SERPINI1: variants seen among roughly 807,000 people sequenced by gnomAD.
SERPINI1 encodes the protein serpin family I member 1.
In SERPINI1, 19 loss-of-function variants were observed where a neutral mutation model predicts 41.1. The ratio of observed to expected loss-of-function variants is 0.46; its 90% CI spans 0.32 to 0.68. The LOEUF (loss-of-function observed/expected upper bound fraction) is 0.68. SERPINI1 is among the 30% of genes least tolerant of loss of function. SERPINI1 has a pLI of 0.03. For missense variants in SERPINI1, 460 were observed against 479.2 expected (o/e 0.96, Z 0.37); for synonymous variants, 138 against 156.6 (o/e 0.88, Z 0.89).
chr3:167,780,706 T>C (rs1030764941), intron 1 of SERPINI1, among the ~76,000 whole-genome samples: 1 of 152,218 alleles, frequency 6.6e-6, no homozygotes, highest in African/African-American at 2.4e-5. Flanking sequence ...TCACTTGCAG[T>C]AAATTTACAT....
At chr3:167,752,325 A>G (rs1577399854) in intron 1 of SERPINI1, among the ~76,000 whole-genome samples, 2 of 152,204 alleles carry the variant, frequency 1.3e-5, no homozygotes, top group East Asian at 3.9e-4. Flanking sequence ...AGATTTACCT[A>G]TCCAAAGCAA....
chr3:167,745,142 GA>G (rs1161174996), intron 1 of SERPINI1, among the ~76,000 whole-genome samples: 3 of 151,438 alleles, frequency 2.0e-5, no homozygotes, highest in Non-Finnish European at 1.5e-5. Flanking sequence ...ACCAACTTAA[GA>G]AATAGAAAAT....
At chr3:167,763,834 G>T (rs1319664481) in intron 1 of SERPINI1, among the ~76,000 whole-genome samples, 1 of 152,004 alleles carries the variant, frequency 6.6e-6, no homozygotes, top group Admixed American at 6.5e-5. Context: ...GAAGTGCCAG[G>T]TTTGAGAAAT....
At chr3:167,741,629 C>A (rs1725679742) in intron 1 of SERPINI1, among the ~76,000 whole-genome samples, 1 of 152,124 alleles carries the variant, frequency 6.6e-6, no homozygotes. Context: ...ATAATTTTTG[C>A]CTTTACTTGA....
intron 6 of SERPINI1, among the ~76,000 whole-genome samples, chr3:167,814,248 A>G (rs1300341199): frequency 1.3e-5 from 2 of 152,174 alleles, no homozygotes; most frequent in Non-Finnish European, 2.9e-5. Context: ...TTAGTTCATC[A>G]TAGTATACCT....
intron 1 of SERPINI1, among the ~76,000 whole-genome samples, chr3:167,742,348 A>G (rs1725706961): frequency 6.6e-6 from 1 of 152,212 alleles, no homozygotes; most frequent in South Asian, 2.1e-4. Context: ...CAATGAGATA[A>G]AACAATAGGG....
intron 1 of SERPINI1, among the ~76,000 whole-genome samples, chr3:167,786,690 C>A (rs975501206): frequency 6.6e-6 from 1 of 151,732 alleles, no homozygotes; most frequent in Non-Finnish European, 1.5e-5. Context: ...ACACTGTATA[C>A]TTTGGCTATA....
intron 7 of SERPINI1, among the ~76,000 whole-genome samples, chr3:167,824,040 C>G (rs57792691): frequency 0.1 from 15,458 of 152,106 alleles, 924 homozygotes; most frequent in African/African-American, 0.15. Flanking sequence ...CCGCTTCAGA[C>G]AAAAGAAATA....
intron 1 of SERPINI1, among the ~76,000 whole-genome samples, chr3:167,750,388 A>G (rs976033283): frequency 3.3e-4 from 50 of 152,362 alleles, no homozygotes; most frequent in African/African-American, 1.2e-3. Context: ...AGCTTGGGAA[A>G]GTAAGAACAA....
At position 167,790,474 on chromosome 3, in the gene SERPINI1, T is replaced by C; in HGVS notation, c.353T>C (p.Phe118Ser). 1 of 1,614,056 alleles carries C rather than the reference T, an allele frequency of 6.2e-7. No homozygotes were observed. The highest frequency in any genetic ancestry group is 8.5e-7 in the Non-Finnish European group (1 of 1,179,908). ...IANSLFVQNG[F>S]HVNEEFLQMM... ...AATTCCTTGTTTGTGCAAAATGGAT[T>C]TCATGTCAATGAGGAGTTTTTGCAA... The change falls in exon 3 of 9, where the codon TTT becomes TCT. Residue 118 changes from phenylalanine (F) to serine (S), a missense_variant. Coordinates refer to ENST00000446050, the MANE Select transcript of SERPINI1 (RefSeq NM_001122752.2).
Position 167,792,609 on chromosome 3 carries a change from A to G in SERPINI1, c.501A>G (p.Val167=). 6.2e-7 allele frequency: 1 copy of G among 1,613,544 alleles called. No homozygotes were observed. Among genetic ancestry groups the G allele is most frequent in the Non-Finnish European group, 8.5e-7 (1 of 1,179,782 alleles). The change falls in exon 4 of 9, where the codon GTA becomes GTG. Residue 167 remains valine (V), a synonymous_variant. Transcript: ENST00000446050. ...NNTNNLVKDL[V]SPRDFDAATY... is the part of the protein sequence containing the mutation. ...AAATAGATCTGGTGAAAGATTTGGT[A>G]TCCCCAAGGGATTTTGATGCTGCCA...
intron 1 of SERPINI1, among the ~76,000 whole-genome samples, chr3:167,739,649 T>C (rs1240223090): frequency 1.3e-5 from 2 of 152,154 alleles, no homozygotes; most frequent in African/African-American, 2.4e-5. Context: ...CCTGGAGTTA[T>C]ACCTTTGTTG....
At chr3:167,768,513 G>GA (rs1240796645) in intron 1 of SERPINI1, among the ~76,000 whole-genome samples, 1 of 152,134 alleles carries the variant, frequency 6.6e-6, no homozygotes, top group Non-Finnish European at 1.5e-5. Context: ...GAAGAAGACT[G>GA]AAAAATCTGA....
At chr3:167,786,048 G>A (rs879839269) in intron 1 of SERPINI1, among the ~76,000 whole-genome samples, 5 of 152,176 alleles carry the variant, frequency 3.3e-5, no homozygotes, top group Non-Finnish European at 7.3e-5. Context: ...ATGGTATTAC[G>A]TAGCTCCTCG....
intron 1 of SERPINI1, among the ~76,000 whole-genome samples, chr3:167,741,711 G>A (rs1452620996): frequency 6.6e-6 from 1 of 152,196 alleles, no homozygotes; most frequent in Admixed American, 6.5e-5. Context: ...GAAGCAATTA[G>A]TGTTTTTGAG....
intron 1 of SERPINI1, among the ~76,000 whole-genome samples, chr3:167,779,790 G>GT (rs1727065020): frequency 6.6e-6 from 1 of 151,980 alleles, no homozygotes; most frequent in Non-Finnish European, 1.5e-5. Flanking sequence ...TCTCCCTTTT[G>GT]TTTGATTCAA....
chr3:167,794,809 A>G lies in SERPINI1; in HGVS notation c.866A>G (p.Glu289Gly), dbSNP rs1560010722. The G allele has an allele frequency of 1.2e-6, 2 of 1,613,098 alleles. No individual in the cohort carries two copies. Among genetic ancestry groups the G allele is most frequent in the Non-Finnish European group, 1.7e-6 (2 of 1,179,732 alleles). Residue 289 changes from glutamate (E) to glycine (G), a missense_variant, in exon 5 of 9, where the codon GAA becomes GGA. Physicochemically the swap from Glu to Gly is moderately conservative, Grantham distance 98 (BLOSUM62 -2). Transcript: ENST00000446050. Reference protein sequence around the residue: ...WANSVKKQKVEVYLPRFTVEQ... With the variant: ...WANSVKKQKVGVYLPRFTVEQ... Reference sequence around the variant, plus strand: ...AACTCTGTGAAGAAGCAAAAAGTAGAAGTATACCTGCCCAGGTATGAGGTT... The same window carrying G: ...AACTCTGTGAAGAAGCAAAAAGTAGGAGTATACCTGCCCAGGTATGAGGTT...
intron 1 of SERPINI1, among the ~76,000 whole-genome samples, chr3:167,772,697 A>G (rs76044651): frequency 0.099 from 14,960 of 150,998 alleles, 792 homozygotes; most frequent in African/African-American, 0.11. Flanking sequence ...CATACCTTGG[A>G]GTCATTAAAA....
intron 5 of SERPINI1, among the ~76,000 whole-genome samples, chr3:167,801,493 G>A (rs1158337717): frequency 6.6e-6 from 1 of 152,032 alleles, no homozygotes; most frequent in African/African-American, 2.4e-5. Flanking sequence ...TTTACTGTCA[G>A]AAAGACCTCC....
Sources: allele counts gnomAD v4.1 joint callset (sites outside exome capture counted in the v4.1 genomes callset), GRCh38; gene constraint gnomAD v4.1.1; transcripts MANE v1.5; gene names NCBI Gene and HGNC (gene_info 2026-07-23, HGNC 2026-07-21).